The following FOXN3 variants were observed in gnomAD, a reference collection of about 807,000 sequenced individuals.
The protein encoded by FOXN3 is forkhead box protein N3.
In FOXN3, 7 loss-of-function variants were observed where a neutral mutation model predicts 38.4. The observed-to-expected ratio is 0.18, with a 90% CI of 0.10 to 0.34. The LOEUF (loss-of-function observed/expected upper bound fraction) is 0.34, where lower values mean the gene tolerates loss of function less well. FOXN3 is among the 10% of genes least tolerant of loss of function. FOXN3 has a pLI of 1.00. For missense variants in FOXN3, 456 were observed against 613.4 expected (o/e 0.74, Z 2.71); for synonymous variants, 230 against 242.2 (o/e 0.95, Z 0.47).
At chr14:89,332,498 C>T (rs1888281258) in intron 3 of FOXN3, among the ~76,000 whole-genome samples, 2 of 152,276 alleles carry the variant, frequency 1.3e-5, no homozygotes, top group African/African-American at 4.8e-5. Flanking sequence ...CTCCTTGTCC[C>T]TTAATGCTGG....
chr14:89,467,800 C>CTTTCTTTTT (rs1383456566), intron 1 of FOXN3, among the ~76,000 whole-genome samples: 11 of 57,892 alleles, frequency 1.9e-4, no homozygotes, highest in African/African-American at 5.9e-4. Flanking sequence ...TCTTTTCTTT[C>CTTTCTTTTT]TTTGTTTTTT....
intron 2 of FOXN3, among the ~76,000 whole-genome samples, chr14:89,376,475 T>C (rs1348190941): frequency 1.3e-5 from 2 of 152,174 alleles, no homozygotes; most frequent in Non-Finnish European, 2.9e-5. Flanking sequence ...AATGATAGAA[T>C]TAGAAAAATC....
At chr14:89,349,959 A>G (rs892450825) in intron 3 of FOXN3, among the ~76,000 whole-genome samples, 1 of 152,208 alleles carries the variant, frequency 6.6e-6, no homozygotes, top group East Asian at 1.9e-4. Flanking sequence ...AATGCACTTC[A>G]AATTCAAGTA....
chr14:89,165,390 T>C (rs1461506762), intron 5 of FOXN3, among the ~76,000 whole-genome samples: 1 of 152,234 alleles, frequency 6.6e-6, no homozygotes, highest in African/African-American at 2.4e-5. Flanking sequence ...TGTTTTTTAC[T>C]TGTGGTCCGA....
intron 4 of FOXN3, among the ~76,000 whole-genome samples, chr14:89,272,116 C>T (rs1176276629): frequency 1.3e-5 from 2 of 152,098 alleles, no homozygotes; most frequent in Admixed American, 6.5e-5. Flanking sequence ...TCGAGACCAA[C>T]CTGACCAACA....
intron 5 of FOXN3, among the ~76,000 whole-genome samples, chr14:89,171,203 G>T (rs915871271): frequency 1.3e-5 from 2 of 152,166 alleles, no homozygotes; most frequent in East Asian, 3.9e-4. Context: ...TATTTGAAAA[G>T]AAAAACCCCT....
At chr14:89,419,313 T>G (rs1566649823), upstream of FOXN3, 1 of 422,442 alleles carries the variant, frequency 2.4e-6, no homozygotes, top group Non-Finnish European at 4.8e-6. Flanking sequence ...AATGTGGCCT[T>G]TTCCACCTTC....
At chr14:89,615,395 T>C (rs1463239187) in intron 1 of FOXN3, among the ~76,000 whole-genome samples, 2 of 152,224 alleles carry the variant, frequency 1.3e-5, no homozygotes, top group African/African-American at 4.8e-5. Context: ...TCTTGTTCAT[T>C]TGTATTAGGA....
At chr14:89,191,947 A>AATATATATATATATATATATATATATAT in intron 4 of FOXN3, among the ~76,000 whole-genome samples, 1 of 127,668 alleles carries the variant, frequency 7.8e-6, no homozygotes, top group African/African-American at 4.2e-5. Context: ...CACTGATATT[A>AATATATATATATATATATATATATATAT]GTATATATAT....
chr14:89,259,149 T>C (rs1885719183), intron 4 of FOXN3, among the ~76,000 whole-genome samples: 1 of 152,334 alleles, frequency 6.6e-6, no homozygotes. Context: ...CACTGAATAA[T>C]TGACTTCTAC....
chr14:89,440,237 C>A (rs913154511), intron 1 of FOXN3, among the ~76,000 whole-genome samples: 2 of 152,176 alleles, frequency 1.3e-5, no homozygotes, highest in Non-Finnish European at 2.9e-5. Context: ...AAGACCACCC[C>A]TTCTCTGATC....
intron 4 of FOXN3, among the ~76,000 whole-genome samples, chr14:89,276,956 G>A (rs763812064): frequency 2.0e-5 from 3 of 152,130 alleles, no homozygotes; most frequent in Non-Finnish European, 4.4e-5. Context: ...ATTTTGGGAT[G>A]AAACCATCAG....
intron 3 of FOXN3, among the ~76,000 whole-genome samples, chr14:89,299,594 G>A (rs1316426392): frequency 6.6e-6 from 1 of 152,114 alleles, no homozygotes; most frequent in African/African-American, 2.4e-5. Context: ...GTCCCTCAAG[G>A]AGCAGCTTGC....
chr14:89,314,151 T>C (rs1887656567), intron 3 of FOXN3, among the ~76,000 whole-genome samples: 1 of 152,236 alleles, frequency 6.6e-6, no homozygotes, highest in African/African-American at 2.4e-5. Context: ...AAGAAAATTT[T>C]AAAAATTTTT....
At chr14:89,505,739 G>C (rs1335808548) in intron 1 of FOXN3, among the ~76,000 whole-genome samples, 1 of 147,890 alleles carries the variant, frequency 6.8e-6, no homozygotes. Flanking sequence ...GCCGCCCATC[G>C]TCTGGGATGT....
intron 4 of FOXN3, among the ~76,000 whole-genome samples, chr14:89,181,380 A>T (rs1432960707): frequency 6.6e-6 from 1 of 152,238 alleles, no homozygotes; most frequent in African/African-American, 2.4e-5. Flanking sequence ...GCAGAAGCTC[A>T]GAACATCTTT....
intron 3 of FOXN3, among the ~76,000 whole-genome samples, chr14:89,286,088 C>T (rs1362119522): frequency 6.6e-6 from 1 of 151,438 alleles, no homozygotes. Context: ...TCAGGCTGAT[C>T]CCAAACACCT....
upstream of FOXN3, among the ~76,000 whole-genome samples, chr14:89,422,117 C>T (rs1347437666): frequency 2.0e-5 from 3 of 152,160 alleles, no homozygotes; most frequent in Non-Finnish European, 2.9e-5. Flanking sequence ...AGCAATCTTC[C>T]GGCTTCGGCC....
chr14:89,283,868 T>G (rs1268408811), intron 3 of FOXN3, among the ~76,000 whole-genome samples: 1 of 152,144 alleles, frequency 6.6e-6, no homozygotes, highest in East Asian at 1.9e-4. Flanking sequence ...TCCTGTTTTT[T>G]GGGGGGTTTT....
Sources: allele counts gnomAD v4.1 joint callset (sites outside exome capture counted in the v4.1 genomes callset), GRCh38; gene constraint gnomAD v4.1.1; transcripts MANE v1.5; gene names NCBI Gene and HGNC (gene_info 2026-07-23, HGNC 2026-07-21).